RCVRN: variants seen among roughly 807,000 people sequenced by gnomAD.
RCVRN encodes cancer associated retinopathy antigen.
RCVRN carries 23 observed loss-of-function variants against 20.4 expected under a neutral mutation model. That is an observed-to-expected ratio of 1.13 (90% confidence interval 0.81 to 1.60). The LOEUF is 1.60. Ranked by LOEUF, RCVRN falls within the 40% of genes most tolerant of loss-of-function variation. The pLI, the probability that RCVRN is intolerant of heterozygous loss-of-function variation, is 0.00. For synonymous variants in RCVRN, 105 were observed against 105.9 expected (o/e 0.99, Z 0.05); for missense variants, 254 against 254.2 (o/e 1.00, Z 0.00).
In RCVRN at chr17:9,898,046, G is replaced by A. The variant is rs774389265; in HGVS notation, c.*49C>T. 1.4e-5 allele frequency: 17 copies of A among 1,216,790 alleles called. No homozygotes were observed. Among genetic ancestry groups the A allele is most frequent in the Non-Finnish European group, 1.8e-5 (15 of 818,000 alleles). 75.4% of individuals were successfully genotyped at this position (1,216,790 alleles called of 1,614,324 possible). A position where few individuals can be genotyped will look rare whatever the true frequency, so the allele number is the denominator to read the frequency against. ...TGTGTGTGTGTGCACAGGCGCTCACGGGTGTCATGTGAGTGGTAGGTGGAG... is the reference window on the plus strand; with the variant it reads ...TGTGTGTGTGTGCACAGGCGCTCACAGGTGTCATGTGAGTGGTAGGTGGAG... On this transcript the variant is annotated 3_prime_UTR_variant, in exon 3 of 3. Coordinates refer to ENST00000226193, the MANE Select transcript of RCVRN (RefSeq NM_002903.3).
In RCVRN at chr17:9,901,054, T is replaced by C. The variant is rs1289126492; in HGVS notation, c.428A>G (p.Asp143Gly). Residue 143 changes from aspartate to glycine, a missense_variant, in exon 2 of 3, where the codon GAC (aspartate) becomes GGC (glycine). Physicochemically the swap from Asp to Gly is moderately conservative, Grantham distance 94 (BLOSUM62 -1). Coordinates refer to ENST00000226193, the MANE Select transcript of RCVRN (RefSeq NM_002903.3). ...TCGCTTTTCCGGCGTGTTTTCATCG[T>C]CTGGAAGGAGCTTCACGTCCTCGGG... The part of the protein sequence containing the change: ...ITPEDVKLLP[D>G]DENTPEKRAE... 3 of 1,610,500 alleles carry C rather than the reference T, an allele frequency of 1.9e-6. No individual in the cohort carries two copies. The highest frequency in any genetic ancestry group is 1.1e-5 in the South Asian group (1 of 90,844).
Position 9,904,567 on chromosome 17 carries a change from A to G in RCVRN, c.381+233T>C, listed in dbSNP as rs1377910864. The stretch of plus-strand genomic sequence containing the variant: ...CAAACATCGTGAAGCCAAGCATAAC[A>G]TGGCTGTATTAGGAAACACTCAGAT... On this transcript the variant is annotated intron_variant, in intron 1 of 2. Transcript: ENST00000226193. This position sits in a 1 kb window ranked among gnomAD's most constrained non-coding sequence, Gnocchi z 5.8. Among the ~76,000 whole-genome samples, 1 of 152,224 alleles carries G rather than the reference A, an allele frequency of 6.6e-6. No individual in the cohort carries two copies. Among genetic ancestry groups the G allele is most frequent in the Non-Finnish European group, 1.5e-5 (1 of 68,044 alleles).
intron 1 of RCVRN, among the ~76,000 whole-genome samples, chr17:9,903,470 C>G (rs1324948582): frequency 6.6e-6 from 1 of 152,190 alleles, no homozygotes; most frequent in East Asian, 1.9e-4. Flanking sequence ...CCATGATCCG[C>G]CCCGCGCTGG....
At chr17:9,900,365 T>A (rs2067335933) in intron 2 of RCVRN, among the ~76,000 whole-genome samples, 1 of 150,896 alleles carries the variant, frequency 6.6e-6, no homozygotes, top group Non-Finnish European at 1.5e-5. Context: ...AGCCACTGAC[T>A]GACAGGGCAG....
rs2067355337 is a variant in RCVRN at position 9,904,668 on chromosome 17, C to T, written c.381+132G>A. The T allele has an allele frequency of 2.9e-6, 3 of 1,028,546 alleles. No individual in the cohort carries two copies. The highest frequency in any genetic ancestry group is 3.1e-5 in the South Asian group (2 of 64,620). 63.7% of individuals were successfully genotyped at this position (1,028,546 alleles called of 1,614,324 possible). A position where few individuals can be genotyped will look rare whatever the true frequency, so the allele number is the denominator to read the frequency against. ...AATATCAGCATCTCGGAGCACCACG[C>T]TCTCAGAGCCAGTGGCCCGCATCCC... On this transcript the variant is annotated intron_variant, in intron 1 of 2. Transcript: ENST00000226193. The surrounding 1 kb of genome is among the most constrained non-coding windows in gnomAD (Gnocchi z 5.8).
In RCVRN at chr17:9,897,982, A is replaced by ATGTGTGTGTG. The variant is rs150159863; in HGVS notation, c.*103_*112dup. 6.3e-5 allele frequency: 41 copies of ATGTGTGTGTG among 651,982 alleles called. No individual in the cohort carries two copies. The highest frequency in any genetic ancestry group is 3.2e-4 in the Middle Eastern group (1 of 3,114). 40.4% of individuals were successfully genotyped at this position (651,982 alleles called of 1,614,324 possible). A position where few individuals can be genotyped will look rare whatever the true frequency, so the allele number is the denominator to read the frequency against. On this transcript the variant is annotated 3_prime_UTR_variant, in exon 3 of 3. Coordinates refer to ENST00000226193, the MANE Select transcript of RCVRN (RefSeq NM_002903.3). ...GGCCTTTCTCTTGGCCCTGGGGTGGATGTGTGTGTGTGTGTGTGCGCGCGC... is the reference window on the plus strand; with the variant it reads ...GGCCTTTCTCTTGGCCCTGGGGTGGATGTGTGTGTGTGTGTGTGTGTGTGTGTGCGCGCGC...
chr17:9,905,072 T>C lies in RCVRN; in HGVS notation c.109A>G (p.Lys37Glu), dbSNP rs1237694262. ...GTGATGCGGCCGGTGGGACAGTCCT[T>C]CAGGAAGGACTGGTACCAGGAGCAC... Reference protein sequence around the residue: ...ELCSWYQSFLKDCPTGRITQQ... With the variant: ...ELCSWYQSFLEDCPTGRITQQ... The change falls in exon 1 of 3, where the codon AAG (lysine) becomes GAG (glutamate). Residue 37 changes from lysine to glutamate, a missense_variant. Physicochemically the swap from Lys to Glu is moderately conservative, Grantham distance 56 (BLOSUM62 1). Coordinates refer to ENST00000226193, the MANE Select transcript of RCVRN (RefSeq NM_002903.3). 2.5e-6 allele frequency: 4 copies of C among 1,611,754 alleles called. No homozygotes were observed. In the Admixed American group the frequency reaches 6.7e-5, roughly 27 times the overall value.
rs368362123 is a variant in RCVRN at position 9,896,322 on chromosome 17, C to T, written c.*1773G>A. ...TGATGGCAGAGTCTAGCATGGTGCA[C>T]GGTTCATAAGTGTTTATTCTCACGT... On this transcript the variant is annotated 3_prime_UTR_variant, in exon 3 of 3. Transcript: ENST00000226193. The T allele has an allele frequency of 9.2e-5, 14 of 152,130 alleles. No individual in the cohort carries two copies. The East Asian group carries it at 1.5e-3, about 17-fold the overall frequency. The allele number at this position is 152,130 out of a possible 1,614,324, so 9.4% of individuals were successfully genotyped here.
At position 9,898,031 on chromosome 17, in the gene RCVRN, T is replaced by C. The variant is rs1038991264; in HGVS notation, c.*64A>G. ...GCGTGTGTGTGCATGTGTGTGTGTG[T>C]GCACAGGCGCTCACGGGTGTCATGT... is the stretch of plus-strand genomic sequence containing the variant. On this transcript the variant is annotated 3_prime_UTR_variant, in exon 3 of 3. Transcript: ENST00000226193. 18 of 996,980 alleles carry C rather than the reference T, an allele frequency of 1.8e-5. No homozygotes were observed. Among genetic ancestry groups the C allele is most frequent in the Admixed American group, 1.2e-4 (7 of 58,940 alleles). The allele number at this position is 996,980 out of a possible 1,614,324, so 61.8% of individuals were successfully genotyped here.
chr17:9,901,675 A>C (rs1189417708), intron 1 of RCVRN, among the ~76,000 whole-genome samples: 1 of 152,200 alleles, frequency 6.6e-6, no homozygotes, highest in Non-Finnish European at 1.5e-5. Context: ...ACTCCTATCC[A>C]TCTGTGCAGG....
chr17:9,902,563 TA>T (rs1314565726), intron 1 of RCVRN, among the ~76,000 whole-genome samples: 15 of 149,414 alleles, frequency 1.0e-4, no homozygotes, highest in Non-Finnish European at 1.5e-5. Context: ...TGAAAAAGAA[TA>T]AATTAAAAAA....
rs1287131217 is a variant in RCVRN at position 9,898,006 on chromosome 17, G to GCA, written c.*88_*89insTG. 6.2e-6 allele frequency: 5 copies of GCA among 807,674 alleles called. No homozygotes were observed. Among genetic ancestry groups the GCA allele is most frequent in the Non-Finnish European group, 1.1e-5 (5 of 454,018 alleles). 50.0% of individuals were successfully genotyped at this position (807,674 alleles called of 1,614,324 possible). On this transcript the variant is annotated 3_prime_UTR_variant, in exon 3 of 3. Transcript: ENST00000226193. ...GATGTGTGTGTGTGTGTGTGCGCGCGCGTGTGTGTGCATGTGTGTGTGTGT... is the reference window on the plus strand; with the variant it reads ...GATGTGTGTGTGTGTGTGTGCGCGCGCACGTGTGTGTGCATGTGTGTGTGTGT...
chr17:9,900,849 C>G, intron 2 of RCVRN, 140 bp downstream of exon 2: 2 of 577,566 alleles, frequency 3.5e-6, no homozygotes, highest in South Asian at 2.5e-5. Flanking sequence ...ACCCTTCAAA[C>G]AGCTCTGAAA....
At position 9,905,039 on chromosome 17, in the gene RCVRN, G is replaced by A. The variant is rs1208660459; in HGVS notation, c.142C>T (p.Gln48Ter). ...DCPTGRITQQQFQSIYAKFFP... is the reference protein window; with the variant it reads ...DCPTGRITQQ ...AACTTGGCGTAGATGCTCTGGAACT[G>A]CTGCTGGGTGATGCGGCCGGTGGGA... The change falls in exon 1 of 3, where the codon CAG (glutamine) becomes TAG (stop). Residue 48 changes from glutamine (Q) to a stop codon, truncating the protein, a stop_gained. Transcript: ENST00000226193. LOFTEE classifies it high-confidence loss of function. The A allele has an allele frequency of 1.2e-6, 2 of 1,613,658 alleles. No individual in the cohort carries two copies. Among genetic ancestry groups the A allele is most frequent in the African/African-American group, 2.7e-5 (2 of 74,928 alleles).
At position 9,904,953 on chromosome 17, in the gene RCVRN, G is replaced by A. The variant is rs146246524; in HGVS notation, c.228C>T (p.Asn76=). Residue 76 remains asparagine, a synonymous_variant, in exon 1 of 3, where the codon AAC becomes AAT. Transcript: ENST00000226193. The surrounding 1 kb of genome is among the most constrained non-coding windows in gnomAD (Gnocchi z 5.8). ...AQHVFRSFDS[N]LDGTLDFKEY... ...CCTTGAAGTCCAGGGTGCCGTCGAG[G>A]TTGGAATCGAAGCTGCGGAACACAT... 7.4e-6 allele frequency: 12 copies of A among 1,614,102 alleles called. No individual in the cohort carries two copies. The highest frequency in any genetic ancestry group is 1.0e-5 in the Non-Finnish European group (12 of 1,180,038).
At chr17:9,902,918 G>A (rs939947174) in intron 1 of RCVRN, among the ~76,000 whole-genome samples, 1 of 152,192 alleles carries the variant, frequency 6.6e-6, no homozygotes, top group African/African-American at 2.4e-5. Context: ...AAACCCAGGA[G>A]GGGGAGGTTG....
Position 9,905,169 on chromosome 17 carries a change from G to A in RCVRN, c.12C>T (p.Ser4=). Reference sequence around the variant, plus strand: ...TCTCCTTGGACAGGGCCCCACTTTTGCTGTTCCCCATGAGTGAGGAAGAGT... The same window carrying A: ...TCTCCTTGGACAGGGCCCCACTTTTACTGTTCCCCATGAGTGAGGAAGAGT... The part of the protein sequence containing the change: MGN[S]KSGALSKEIL... The change falls in exon 1 of 3, where the codon AGC becomes AGT. Residue 4 remains serine, a synonymous_variant. Coordinates refer to ENST00000226193, the MANE Select transcript of RCVRN (RefSeq NM_002903.3). 6.2e-7 allele frequency: 1 copy of A among 1,609,320 alleles called. No individual in the cohort carries two copies. The highest frequency in any genetic ancestry group is 8.5e-7 in the Non-Finnish European group (1 of 1,178,248).
intron 1 of RCVRN, among the ~76,000 whole-genome samples, chr17:9,903,782 G>A (rs1558227): frequency 0.51 from 76,951 of 151,738 alleles, 19,589 homozygotes; most frequent in East Asian, 0.55. Flanking sequence ...TGGTAGAGCC[G>A]ACTACATCCC....
chr17:9,901,818 G>C (rs71358277), intron 1 of RCVRN, among the ~76,000 whole-genome samples: 1 of 152,196 alleles, frequency 6.6e-6, no homozygotes, highest in Admixed American at 6.5e-5. Flanking sequence ...CCTCACCCTG[G>C]GCCCAGGAAG....
Sources: gnomAD v4.1 joint callset for allele counts (sites outside exome capture counted in the v4.1 genomes callset) on GRCh38, gnomAD v4.1.1 for gene constraint, Gnocchi (gnomAD v3.1) non-coding constraint, MANE v1.5 for transcripts, NCBI Gene and HGNC (gene_info 2026-07-23, HGNC 2026-07-21) for gene names.